RFC3: variants seen among roughly 807,000 people sequenced by gnomAD.
The protein encoded by RFC3 is A1 38 kDa subunit.
RFC3 carries 41 observed loss-of-function variants against 45.1 expected under a neutral mutation model. The observed-to-expected ratio is 0.91, with a 90% CI of 0.71 to 1.18. The LOEUF (loss-of-function observed/expected upper bound fraction) is 1.18, where lower values mean the gene tolerates loss of function less well. RFC3 is among the 50% of genes most tolerant of loss of function. The pLI, the probability that RFC3 is intolerant of heterozygous loss-of-function variation, is 0.00. For synonymous variants in RFC3, 149 were observed against 144.0 expected (o/e 1.03, Z -0.25); for missense variants, 423 against 428.1 (o/e 0.99, Z 0.10).
At chr13:33,843,205 G>GT (rs60617562) in intron 8 of RFC3, among the ~76,000 whole-genome samples, 119,666 of 148,440 alleles carry the variant, frequency 0.81, 49,455 homozygotes, top group Non-Finnish European at 0.92. Context: ...ATTTGCTCCT[G>GT]TTTTTTTTTT....
chr13:33,960,430 C>A (rs1015535624), intron 8 of RFC3, among the ~76,000 whole-genome samples: 1 of 152,152 alleles, frequency 6.6e-6, no homozygotes, highest in African/African-American at 2.4e-5. Flanking sequence ...CCATGCCTGA[C>A]CTTATCTGTA....
intron 8 of RFC3, chr13:33,846,777 T>G (rs2082240338): frequency 6.6e-6 from 1 of 152,206 alleles, no homozygotes; most frequent in African/African-American, 2.4e-5. Context: ...TGGAACTCAG[T>G]TTCTGCCCAC....
intron 8 of RFC3, among the ~76,000 whole-genome samples, chr13:33,889,539 C>T (rs560924388): frequency 6.6e-6 from 1 of 152,248 alleles, no homozygotes; most frequent in African/African-American, 2.4e-5. Context: ...CACCTCAAAC[C>T]TTTATTACTT....
intron 8 of RFC3, among the ~76,000 whole-genome samples, chr13:33,942,137 T>C (rs1393930168): frequency 6.6e-6 from 1 of 152,108 alleles, no homozygotes; most frequent in African/African-American, 2.4e-5. Context: ...AGTGTGTGTT[T>C]GATAAATCTA....
At chr13:33,923,295 GC>G in intron 8 of RFC3, among the ~76,000 whole-genome samples, 1 of 152,034 alleles carries the variant, frequency 6.6e-6, no homozygotes, top group Non-Finnish European at 1.5e-5. Flanking sequence ...ACACCCTGAA[GC>G]CTTTCCTTTA....
At chr13:33,958,791 G>C (rs2083038451) in intron 8 of RFC3, among the ~76,000 whole-genome samples, 1 of 152,062 alleles carries the variant, frequency 6.6e-6, no homozygotes, top group Non-Finnish European at 1.5e-5. Flanking sequence ...TGAGCATCCT[G>C]GCTGCCCTCT....
At chr13:33,964,560 C>T (rs989249385) in intron 8 of RFC3, among the ~76,000 whole-genome samples, 21 of 152,202 alleles carry the variant, frequency 1.4e-4, no homozygotes, top group African/African-American at 4.6e-4. Context: ...CCATCATCCC[C>T]GTCTCCTCCT....
intron 8 of RFC3, among the ~76,000 whole-genome samples, chr13:33,925,546 A>T (rs1427214324): frequency 1.4e-5 from 2 of 148,068 alleles, no homozygotes; most frequent in Non-Finnish European, 3.0e-5. Flanking sequence ...ATAGTGTACT[A>T]TATACATACA....
At chr13:33,977,343 G>A in the RFC3 span, among the ~76,000 whole-genome samples, 11 of 152,130 alleles carry the variant, frequency 7.2e-5, no homozygotes, top group African/African-American at 2.7e-4. Flanking sequence ...TCCAACTTTA[G>A]TGTATTCTGA....
chr13:33,861,682 G>A (rs2137537472), intron 8 of RFC3, among the ~76,000 whole-genome samples: 1 of 149,510 alleles, frequency 6.7e-6, no homozygotes, highest in Non-Finnish European at 1.5e-5. Context: ...TCACATTTTT[G>A]TGTTTGAAAT....
intron 8 of RFC3, chr13:33,846,115 C>T (rs1054809252): frequency 6.6e-6 from 1 of 152,202 alleles, no homozygotes; most frequent in Non-Finnish European, 1.5e-5. Flanking sequence ...TTTCTCCAGA[C>T]AAATGGAGTT....
intron 8 of RFC3, among the ~76,000 whole-genome samples, chr13:33,860,961 G>T (rs537321797): frequency 6.6e-6 from 1 of 151,934 alleles, no homozygotes; most frequent in South Asian, 2.1e-4. Flanking sequence ...GAGTGCAGTG[G>T]TATGATCCTA....
At chr13:33,952,294 A>G (rs1309999019) in intron 8 of RFC3, among the ~76,000 whole-genome samples, 3 of 152,258 alleles carry the variant, frequency 2.0e-5, no homozygotes, top group Non-Finnish European at 1.5e-5. Flanking sequence ...ATCATCTAGA[A>G]GCAGTACTCT....
At chr13:33,853,877 T>C (rs1004850767) in intron 8 of RFC3, among the ~76,000 whole-genome samples, 11 of 152,166 alleles carry the variant, frequency 7.2e-5, no homozygotes, top group African/African-American at 2.4e-4. Flanking sequence ...CTGGAACAGC[T>C]GTACCAAGGA....
At chr13:33,821,931 T>C (rs909979031) in intron 2 of RFC3, among the ~76,000 whole-genome samples, 8 of 152,248 alleles carry the variant, frequency 5.3e-5, no homozygotes, top group South Asian at 4.1e-4. Flanking sequence ...TTTATACATC[T>C]TTTACTTTGA....
At chr13:33,947,267 T>A (rs1409740240) in intron 8 of RFC3, among the ~76,000 whole-genome samples, 1 of 152,152 alleles carries the variant, frequency 6.6e-6, no homozygotes, top group Non-Finnish European at 1.5e-5. Context: ...TCTCATGAGA[T>A]CTGATGGTTT....
the RFC3 span, among the ~76,000 whole-genome samples, chr13:33,977,200 A>T: frequency 6.6e-6 from 1 of 152,178 alleles, no homozygotes; most frequent in Non-Finnish European, 1.5e-5. Flanking sequence ...ATGATGTATG[A>T]ATAAATATTG....
intron 8 of RFC3, among the ~76,000 whole-genome samples, chr13:33,904,387 C>T (rs1433387981): frequency 6.6e-6 from 1 of 152,036 alleles, no homozygotes; most frequent in East Asian, 1.9e-4. Context: ...TCTTTCACTC[C>T]CAGTTGTCAC....
intron 8 of RFC3, among the ~76,000 whole-genome samples, chr13:33,926,662 C>T (rs1191075327): frequency 6.6e-6 from 1 of 151,412 alleles, no homozygotes; most frequent in Non-Finnish European, 1.5e-5. Context: ...AAACTTGTAC[C>T]CTCATTCTTA....
Sources: gnomAD v4.1 joint callset for allele counts (sites outside exome capture counted in the v4.1 genomes callset) on GRCh38, gnomAD v4.1.1 for gene constraint, MANE v1.5 for transcripts, NCBI Gene and HGNC (gene_info 2026-07-23, HGNC 2026-07-21) for gene names.